PES1: variants seen among roughly 807,000 people sequenced by gnomAD.
PES1 encodes pescadillo ribosomal biogenesis factor 1, also known as pescadillo homolog.
A neutral mutation model predicts 77.1 loss-of-function variants in PES1; 31 were observed. The ratio of observed to expected loss-of-function variants is 0.40; its 90% confidence interval spans 0.30 to 0.54. The LOEUF (loss-of-function observed/expected upper bound fraction) is 0.54, where lower values mean the gene tolerates loss of function less well. Among genes scored for constraint, PES1 ranks in the 20% least tolerant of loss-of-function variants. The pLI, the probability that PES1 is intolerant of heterozygous loss-of-function variation, is 0.45. For synonymous variants in PES1, 282 were observed against 303.0 expected (o/e 0.93, Z 0.72); for missense variants, 658 against 771.7 (o/e 0.85, Z 1.75).
At chr22:30,588,336 C>CA (rs1336946231) in intron 2 of PES1, among the ~76,000 whole-genome samples, 162 bp from the exon 3 acceptor site, 1 of 152,126 alleles carries the variant, frequency 6.6e-6, no homozygotes, top group African/African-American at 2.4e-5. Context: ...AATCATAAAA[C>CA]AAAAACGCAG....
chr22:30,585,404 G>A (rs2087066980), intron 4 of PES1: 1 of 464,288 alleles, frequency 2.2e-6, no homozygotes, highest in Non-Finnish European at 4.5e-6. Context: ...TCACAGAGAA[G>A]ACACGGAACC....
At chr22:30,584,767 AG>A in intron 4 of PES1, 50 bp from the exon 5 acceptor site, 1 of 1,580,268 alleles carries the variant, frequency 6.3e-7, no homozygotes, top group African/African-American at 1.3e-5. Context: ...GTGGGTGCCA[AG>A]GGGGACCCTG....
chr22:30,588,616 A>G (rs1164201617), intron 2 of PES1, among the ~76,000 whole-genome samples: 2 of 148,680 alleles, frequency 1.3e-5, no homozygotes, highest in Non-Finnish European at 3.0e-5. Context: ...CATCTCTACT[A>G]AAAAAAAAAT....
In PES1 at chr22:30,599,543, A is replaced by AT. The variant is rs1200930061; in HGVS notation, c.-661+5917dup. On this transcript the variant is annotated intron_variant, in intron 2 of 16. Coordinates refer to the PES1 transcript ENST00000402281. Reference sequence around the variant, plus strand: ...CATCTGATAGTCACAGGCTGTAAAAATAACAAATTTAATGATTACCTTTGT... The same window carrying AT: ...CATCTGATAGTCACAGGCTGTAAAAATTAACAAATTTAATGATTACCTTTGT... Among the ~76,000 whole-genome samples the AT allele has an allele frequency of 4.6e-5, 7 of 152,330 alleles. No homozygotes were observed. The East Asian group carries it at 1.3e-3, about 29-fold the overall frequency.
intron 2 of PES1, among the ~76,000 whole-genome samples, chr22:30,599,628 G>A (rs1036768353): frequency 1.3e-5 from 2 of 152,082 alleles, no homozygotes; most frequent in Admixed American, 6.6e-5. Flanking sequence ...GGCTGGGCGC[G>A]GTGGCTCACG....
At position 30,577,125 on chromosome 22, in the gene PES1, T is replaced by C. The variant is rs1202702335; in HGVS notation, c.1688A>G (p.Asn563Ser). The stretch of plus-strand genomic sequence containing the variant: ...GGCTTTCCGCTTCTCCGCCAGCTTG[T>C]TGGCCTGTGAGGGGGAAGGCGAAGG... ...FGKRRKIREA[N>S]KLAEKRKAHD... Residue 563 changes from asparagine (N) to serine (S), a missense_variant, in exon 15 of 15, where the codon AAC (asparagine) becomes AGC (serine). Asn to Ser is a conservative substitution (Grantham distance 46). Transcript: ENST00000354694. 1.9e-6 allele frequency: 3 copies of C among 1,613,730 alleles called. No individual in the cohort carries two copies. The highest frequency in any genetic ancestry group is 2.5e-6 in the Non-Finnish European group (3 of 1,179,952).
intron 2 of PES1, among the ~76,000 whole-genome samples, chr22:30,598,884 AATTT>A (rs2087308237): frequency 2.2e-5 from 1 of 46,260 alleles, no homozygotes; most frequent in African/African-American, 7.5e-5. Flanking sequence ...ACTTAAGTAA[AATTT>A]TTTTTTTTTT....
chr22:30,587,218 C>T, intron 4 of PES1, 68 bp downstream of exon 4: 1 of 1,136,468 alleles, frequency 8.8e-7, no homozygotes, highest in South Asian at 1.2e-5. Flanking sequence ...CTATTGTATC[C>T]CTGGTGCTAG....
At chr22:30,580,221 C>T in intron 10 of PES1, 43 bp from the exon 11 acceptor site, 1 of 1,573,660 alleles carries the variant, frequency 6.4e-7, no homozygotes, top group Non-Finnish European at 8.6e-7. Context: ...CAGACATGAG[C>T]TGCCTGTCCT....
chr22:30,586,356 G>T (rs555094540), intron 4 of PES1, among the ~76,000 whole-genome samples: 1 of 152,226 alleles, frequency 6.6e-6, no homozygotes, highest in East Asian at 1.9e-4. Flanking sequence ...CCTAGGCCAG[G>T]GCACTTCCTG....
intron 14 of PES1, among the ~76,000 whole-genome samples, chr22:30,577,842 G>A (rs1419520057): frequency 6.6e-6 from 1 of 152,212 alleles, no homozygotes; most frequent in Non-Finnish European, 1.5e-5. Context: ...ATGCTTCTAA[G>A]AATTTAGCCT....
chr22:30,576,796 T>C lies in PES1; in HGVS notation c.*250A>G, dbSNP rs561364035. 3.6e-6 allele frequency: 2 copies of C among 553,946 alleles called. No individual in the cohort carries two copies. The highest frequency in any genetic ancestry group is 2.2e-5 in the South Asian group (1 of 44,982). 34.3% of individuals were successfully genotyped at this position (553,946 alleles called of 1,614,324 possible). On this transcript the variant is annotated 3_prime_UTR_variant, in exon 15 of 15. Transcript: ENST00000354694. ...GGTGGGCCTCTGCACCTCATGTCACTGGCTCCTGGGAGCAGAGAATCAGGC... is the reference window on the plus strand; with the variant it reads ...GGTGGGCCTCTGCACCTCATGTCACCGGCTCCTGGGAGCAGAGAATCAGGC...
chr22:30,592,310 G>T (rs568644732), upstream of PES1: 29 of 991,554 alleles, frequency 2.9e-5, 1 homozygote, highest in South Asian at 9.2e-4. Context: ...GGCTGCCGCT[G>T]CTGAGAAGCG....
intron 2 of PES1, among the ~76,000 whole-genome samples, chr22:30,588,737 C>A (rs997854086): frequency 1.3e-5 from 2 of 151,442 alleles, no homozygotes; most frequent in Non-Finnish European, 2.9e-5. Context: ...GAGCTGAGAT[C>A]ACGCCAATGC....
intron 2 of PES1, among the ~76,000 whole-genome samples, chr22:30,597,885 T>G (rs547656491): frequency 1.1e-4 from 16 of 143,978 alleles, no homozygotes; most frequent in South Asian, 6.7e-4. Context: ...AAGTTTTGTT[T>G]TTTTTTTTTT....
Position 30,588,697 on chromosome 22 carries a change from C to T in PES1, c.104+494G>A, listed in dbSNP as rs566016492. 7.8e-4 allele frequency among the ~76,000 whole-genome samples: 119 copies of T among 151,994 alleles called. 1 individual carries two copies. The Middle Eastern group carries it at 0.01, about 13-fold the overall frequency. The stretch of plus-strand genomic sequence containing the variant: ...ACTCGGGAGGCTGAGGCAGGAGAAT[C>T]GCTTGAACCTGGGAGGTGGAGGTTG... On this transcript the variant is annotated intron_variant, in intron 2 of 14. Coordinates refer to ENST00000354694, the MANE Select transcript of PES1 (RefSeq NM_014303.4).
intron 12 of PES1, 181 bp downstream of exon 12, chr22:30,579,570 C>T (rs369957806): frequency 5.7e-6 from 4 of 695,974 alleles, no homozygotes; most frequent in South Asian, 3.8e-5. Flanking sequence ...TCATCCTGAA[C>T]GTCAAATAAC....
At chr22:30,593,502 AAAG>A (rs1450777955), upstream of PES1, among the ~76,000 whole-genome samples, 10 of 152,018 alleles carry the variant, frequency 6.6e-5, no homozygotes, top group South Asian at 8.3e-4. Context: ...TCAAAAAAAA[AAAG>A]AAGAAGAAGG....
chr22:30,597,947 C>T (rs35062974), intron 2 of PES1, among the ~76,000 whole-genome samples: 3 of 144,194 alleles, frequency 2.1e-5, no homozygotes, highest in East Asian at 4.0e-4. Context: ...GCAGTGGCGG[C>T]ATCTCGGCTC....
Sources: gnomAD v4.1 joint callset for allele counts (sites outside exome capture counted in the v4.1 genomes callset) on GRCh38, gnomAD v4.1.1 for gene constraint, MANE v1.5 for transcripts, NCBI Gene and HGNC (gene_info 2026-07-23, HGNC 2026-07-21) for gene names.